The following KIAA0825 variants were observed in gnomAD, a reference collection of about 807,000 sequenced individuals.
KIAA0825 encodes KIAA0825.
A neutral mutation model predicts 147.6 loss-of-function variants in KIAA0825; 119 were observed. The observed-to-expected ratio is 0.81, with a 90% CI of 0.69 to 0.94. The LOEUF is 0.94. Ranked by LOEUF, KIAA0825 falls within the 40% of genes least tolerant of loss-of-function variation. KIAA0825 has a pLI of 0.00. For synonymous variants in KIAA0825, 470 were observed against 518.1 expected, an observed-to-expected ratio of 0.91 and a Z score of 1.26; for missense variants, 1,381 against 1,472.7, an observed-to-expected ratio of 0.94 and a Z score of 1.02.
intron 20 of KIAA0825, among the ~76,000 whole-genome samples, chr5:94,166,328 CA>C (rs1186229552): frequency 6.6e-6 from 1 of 152,002 alleles, no homozygotes; most frequent in Non-Finnish European, 1.5e-5. Context: ...AGATTGTGTA[CA>C]GTATTTCAGT....
At chr5:94,270,787 T>C (rs1396084677) in intron 20 of KIAA0825, among the ~76,000 whole-genome samples, 1 of 152,098 alleles carries the variant, frequency 6.6e-6, no homozygotes, top group East Asian at 1.9e-4. Context: ...AATAAATGTA[T>C]GTATGGAGAT....
chr5:94,272,878 C>T (rs907834089), intron 20 of KIAA0825, among the ~76,000 whole-genome samples: 8 of 152,192 alleles, frequency 5.3e-5, no homozygotes, highest in Non-Finnish European at 1.2e-4. Context: ...ATGTATGGAA[C>T]ATAATTCATA....
intron 20 of KIAA0825, among the ~76,000 whole-genome samples, chr5:94,170,570 A>G (rs1219720717): frequency 1.3e-5 from 2 of 152,226 alleles, no homozygotes; most frequent in Non-Finnish European, 2.9e-5. Flanking sequence ...AGTCTGGCTC[A>G]GTGGCATCAA....
At chr5:94,465,485 T>C (rs1387057135) in intron 10 of KIAA0825, among the ~76,000 whole-genome samples, 1 of 152,228 alleles carries the variant, frequency 6.6e-6, no homozygotes, top group East Asian at 1.9e-4. Context: ...GGTAATTTTA[T>C]AAATGTTTCA....
At position 94,173,686 on chromosome 5, in the gene KIAA0825, G is replaced by A. The variant is rs865896581; in HGVS notation, c.3711-19562C>T. ...CATCAGCTCTCAGATTCAAGGGGAG[G>A]AAAACGAGGCTCCACCTCTTGATGG... On this transcript the variant is annotated intron_variant, in intron 20 of 20. Transcript: ENST00000682413. 7.2e-5 allele frequency among the ~76,000 whole-genome samples: 11 copies of A among 152,110 alleles called. No individual in the cohort carries two copies. The South Asian group carries it at 1.7e-3, about 23-fold the overall frequency.
chr5:94,213,165 C>T (rs1055454722), intron 20 of KIAA0825, among the ~76,000 whole-genome samples: 9 of 152,016 alleles, frequency 5.9e-5, no homozygotes, highest in African/African-American at 2.2e-4. Context: ...TCTCTCCCCA[C>T]AAAAGGATTT....
At position 94,153,911 on chromosome 5, in the gene KIAA0825, A is replaced by T; in HGVS notation, c.*96T>A. 1 of 774,388 alleles carries T rather than the reference A, an allele frequency of 1.3e-6. No homozygotes were observed. Among genetic ancestry groups the T allele is most frequent in the Non-Finnish European group, 2.2e-6 (1 of 458,260 alleles). The allele number at this position is 774,388 out of a possible 1,614,324, so 48.0% of individuals were successfully genotyped here. ...TACTCAGTCATTGGTTTCATGCTTC[A>T]CAGCACATATGAGGTTCATTCTGAC... On this transcript the variant is annotated 3_prime_UTR_variant, in exon 21 of 21. Coordinates refer to ENST00000682413, the MANE Select transcript of KIAA0825 (RefSeq NM_001145678.3).
intron 20 of KIAA0825, among the ~76,000 whole-genome samples, chr5:94,255,697 A>C (rs1776212015): frequency 6.9e-6 from 1 of 145,538 alleles, no homozygotes; most frequent in Admixed American, 6.9e-5. Context: ...AGAACTTTTC[A>C]GAATTATGGC....
chr5:94,412,593 G>A (rs1370593812), intron 15 of KIAA0825, among the ~76,000 whole-genome samples: 1 of 151,950 alleles, frequency 6.6e-6, no homozygotes, highest in Non-Finnish European at 1.5e-5. Flanking sequence ...TAGAGACGGG[G>A]TTTCACCATG....
At chr5:94,359,963 A>G (rs148039255) in intron 20 of KIAA0825, among the ~76,000 whole-genome samples, 263 of 152,300 alleles carry the variant, frequency 1.7e-3, no homozygotes, top group African/African-American at 5.9e-3. Flanking sequence ...CAGAAAAATC[A>G]CTATTCTCCT....
chr5:94,354,273 A>G (rs962207659), intron 20 of KIAA0825, among the ~76,000 whole-genome samples: 1 of 152,142 alleles, frequency 6.6e-6, no homozygotes, highest in Admixed American at 6.5e-5. Context: ...CCACAGATAA[A>G]CTTCCTATTA....
intron 2 of KIAA0825, among the ~76,000 whole-genome samples, chr5:94,541,799 A>G (rs1397976663): frequency 6.6e-6 from 1 of 152,254 alleles, no homozygotes; most frequent in East Asian, 1.9e-4. Flanking sequence ...CTAATGCAAC[A>G]GTGACATTTA....
intron 14 of KIAA0825, among the ~76,000 whole-genome samples, chr5:94,431,680 A>G (rs1283359756): frequency 6.6e-6 from 1 of 152,192 alleles, no homozygotes; most frequent in Non-Finnish European, 1.5e-5. Flanking sequence ...AATAAAAACA[A>G]CATTTCAAAG....
chr5:94,426,124 C>T (rs1754851854), intron 14 of KIAA0825, among the ~76,000 whole-genome samples: 1 of 151,566 alleles, frequency 6.6e-6, no homozygotes, highest in Non-Finnish European at 1.5e-5. Context: ...TCCCGCCTCA[C>T]CCTCCCTAGG....
chr5:94,161,923 G>A (rs1270746621), intron 20 of KIAA0825, among the ~76,000 whole-genome samples: 1 of 152,180 alleles, frequency 6.6e-6, no homozygotes, highest in East Asian at 1.9e-4. Context: ...ATGGCAGAGT[G>A]AGGATATTTT....
chr5:94,218,367 T>G (rs1250259240), intron 20 of KIAA0825, among the ~76,000 whole-genome samples: 1 of 152,218 alleles, frequency 6.6e-6, no homozygotes, highest in African/African-American at 2.4e-5. Context: ...CATTTTGTTT[T>G]TGGAAAGTCT....
At chr5:94,224,082 C>CTTTTTTTTTTTTTTTTTTTTTTTTTTTTT (rs869059424) in intron 20 of KIAA0825, among the ~76,000 whole-genome samples, 1 of 56,476 alleles carries the variant, frequency 1.8e-5, no homozygotes, top group Non-Finnish European at 3.2e-5. Flanking sequence ...TTTTTCTTTT[C>CTTTTTTTTTTTTTTTTTTTTTTTTTTTTT]TTTTTTTTTT....
At chr5:94,267,704 C>T (rs538680405) in intron 20 of KIAA0825, among the ~76,000 whole-genome samples, 64 of 152,102 alleles carry the variant, frequency 4.2e-4, no homozygotes, top group Non-Finnish European at 7.1e-4. Flanking sequence ...TGACTACTTC[C>T]GCAATTACCT....
chr5:94,304,906 T>C (rs1778630258), intron 20 of KIAA0825, among the ~76,000 whole-genome samples: 1 of 151,986 alleles, frequency 6.6e-6, no homozygotes. Flanking sequence ...CAATTGATAA[T>C]GCAATTTCCT....
Sources: gnomAD v4.1 joint callset for allele counts (sites outside exome capture counted in the v4.1 genomes callset) on GRCh38, gnomAD v4.1.1 for gene constraint, MANE v1.5 for transcripts, NCBI Gene and HGNC (gene_info 2026-07-23, HGNC 2026-07-21) for gene names.